ATXN2: variants seen among roughly 807,000 people sequenced by gnomAD.
The protein encoded by ATXN2 is ataxin-2.
A neutral mutation model predicts 138.6 loss-of-function variants in ATXN2; 37 were observed. The observed-to-expected ratio is 0.27, with a 90% confidence interval of 0.21 to 0.35. The LOEUF (loss-of-function observed/expected upper bound fraction) is 0.35, where lower values mean the gene tolerates loss of function less well. Ranked by LOEUF, ATXN2 falls within the 10% of genes least tolerant of loss-of-function variation. The pLI is 1.00. For missense variants in ATXN2, 1,216 were observed against 1,480.3 expected (o/e 0.82, Z 2.93); for synonymous variants, 549 against 543.7 (o/e 1.01, Z -0.13).
chr12:111,510,431 C>A lies in ATXN2; in HGVS notation c.1710G>T (p.Thr570=), dbSNP rs370020267. The change falls in exon 12 of 25, where the codon ACG becomes ACT. Residue 570 remains threonine (T), a synonymous_variant. Transcript: ENST00000673436. ...CTCTGTTCGATGCAGGACTAGCAGG[C>A]GTAGGAGATGCAGCTGGAATAGGCA... The part of the protein sequence containing the change: ...VAMPIPAASP[T]PASPASNRAV... The A allele has an allele frequency of 2.5e-6, 4 of 1,613,866 alleles. No homozygotes were observed. Among genetic ancestry groups the A allele is most frequent in the Non-Finnish European group, 3.4e-6 (4 of 1,180,012 alleles).
intron 14 of ATXN2, among the ~76,000 whole-genome samples, chr12:111,503,589 T>A (rs1343020598): frequency 6.7e-6 from 1 of 150,064 alleles, no homozygotes. Context: ...GGGACACATA[T>A]TTTTTTTTTC....
chr12:111,590,013 G>A (rs1352414997), intron 1 of ATXN2, among the ~76,000 whole-genome samples: 4 of 150,760 alleles, frequency 2.7e-5, no homozygotes, highest in Non-Finnish European at 4.4e-5. Flanking sequence ...AGTTCAAGAC[G>A]AGCCTGGCCA....
At chr12:111,594,906 C>T (rs1157129727) in intron 1 of ATXN2, among the ~76,000 whole-genome samples, 1 of 152,164 alleles carries the variant, frequency 6.6e-6, no homozygotes, top group South Asian at 2.1e-4. Context: ...AAACCAAGTA[C>T]CCTCATTAAT....
At chr12:111,537,603 A>C (rs974750213) in intron 5 of ATXN2, among the ~76,000 whole-genome samples, 3 of 151,840 alleles carry the variant, frequency 2.0e-5, no homozygotes, top group Admixed American at 2.0e-4. Context: ...AAGAAAAAAA[A>C]AGGCTATATA....
intron 8 of ATXN2, among the ~76,000 whole-genome samples, chr12:111,519,021 A>C (rs566074218): frequency 6.6e-6 from 1 of 152,290 alleles, no homozygotes; most frequent in South Asian, 2.1e-4. Context: ...TTAGCTGCAC[A>C]AACGGAGTCA....
At chr12:111,506,909 G>T (rs867088873) in intron 14 of ATXN2, among the ~76,000 whole-genome samples, 1 of 152,144 alleles carries the variant, frequency 6.6e-6, no homozygotes, top group Non-Finnish European at 1.5e-5. Flanking sequence ...CGAGTGATCT[G>T]CCAGCCTCGG....
chr12:111,555,914 C>T lies in ATXN2; in HGVS notation c.257G>A (p.Arg86Gln), dbSNP rs370896525. The change falls in exon 2 of 25, where the codon CGA becomes CAA. Residue 86 changes from arginine to glutamine, a missense_variant. Around this residue, in one of 4 missense-constraint regions of ATXN2, gnomAD observed 401 missense variants for 528.1 expected, o/e 0.76. Transcript: ENST00000673436. Reference protein sequence around the residue: ...GGGRPGLGRGRNSNKGLPQST... With the variant: ...GGGRPGLGRGQNSNKGLPQST... ...CTGAGGCAGTCCTTTGTTACTGTTT[C>T]GACCTCTGAAAAGATTAAATATTAT... 49 of 1,598,812 alleles carry T rather than the reference C, an allele frequency of 3.1e-5. No individual in the cohort carries two copies. Among genetic ancestry groups the T allele is most frequent in the Non-Finnish European group, 3.8e-5 (45 of 1,173,388 alleles).
At chr12:111,531,602 T>C (rs1188445348) in intron 5 of ATXN2, among the ~76,000 whole-genome samples, 2 of 152,166 alleles carry the variant, frequency 1.3e-5, no homozygotes, top group African/African-American at 4.8e-5. Context: ...ACACCATGTA[T>C]TATACAGATT....
intron 14 of ATXN2, 49 bp from the exon 15 acceptor site, chr12:111,488,829 A>G: frequency 6.9e-7 from 1 of 1,454,740 alleles, no homozygotes; most frequent in Non-Finnish European, 9.3e-7. Flanking sequence ...AACTTTAGTA[A>G]TACATTTTTG....
At chr12:111,466,207 A>AT (rs1213730564) in intron 20 of ATXN2, among the ~76,000 whole-genome samples, 1 of 146,448 alleles carries the variant, frequency 6.8e-6, no homozygotes, top group Admixed American at 6.9e-5. Flanking sequence ...AAAATAAAAA[A>AT]AAAAAAAGAG....
intron 5 of ATXN2, among the ~76,000 whole-genome samples, chr12:111,531,285 C>T (rs772962328): frequency 2.7e-5 from 4 of 150,096 alleles, no homozygotes; most frequent in African/African-American, 7.4e-5. Context: ...TGGTGGTACA[C>T]GCCTATAGTC....
chr12:111,591,520 G>A (rs2135850125), intron 1 of ATXN2, among the ~76,000 whole-genome samples: 1 of 152,070 alleles, frequency 6.6e-6, no homozygotes, highest in East Asian at 1.9e-4. Context: ...AAATTTAAAT[G>A]TTAGCCAGCT....
chr12:111,585,801 C>CAAAAA (rs761433806), intron 1 of ATXN2, among the ~76,000 whole-genome samples: 6 of 24,796 alleles, frequency 2.4e-4, no homozygotes, highest in Non-Finnish European at 9.4e-4. Context: ...AACTCCATCT[C>CAAAAA]AAAAAAAAAA....
At chr12:111,492,216 T>C (rs1340215755) in intron 14 of ATXN2, among the ~76,000 whole-genome samples, 1 of 152,190 alleles carries the variant, frequency 6.6e-6, no homozygotes, top group East Asian at 1.9e-4. Flanking sequence ...GACAAGAGAC[T>C]GCCTGGTAAT....
chr12:111,593,028 C>G (rs1884756390), intron 1 of ATXN2, among the ~76,000 whole-genome samples: 1 of 151,922 alleles, frequency 6.6e-6, no homozygotes, highest in Non-Finnish European at 1.5e-5. Flanking sequence ...GCTAAGGTGA[C>G]AGTTCTAACA....
At chr12:111,551,630 C>A (rs548343140) in intron 5 of ATXN2, among the ~76,000 whole-genome samples, 1 of 152,280 alleles carries the variant, frequency 6.6e-6, no homozygotes, top group African/African-American at 2.4e-5. Context: ...AGATTTGCCA[C>A]ATGCCCACTT....
chr12:111,561,140 G>T (rs895995059), intron 1 of ATXN2, among the ~76,000 whole-genome samples: 1 of 151,588 alleles, frequency 6.6e-6, no homozygotes, highest in Non-Finnish European at 1.5e-5. Flanking sequence ...AGCCGAGATT[G>T]TGCCACTGCA....
intron 14 of ATXN2, among the ~76,000 whole-genome samples, chr12:111,508,928 T>G (rs1477948538): frequency 1.3e-5 from 2 of 152,248 alleles, no homozygotes; most frequent in African/African-American, 4.8e-5. Flanking sequence ...TTTGGTTCAC[T>G]CATCCTTTAA....
intron 20 of ATXN2, among the ~76,000 whole-genome samples, chr12:111,466,654 A>G (rs1469163377): frequency 6.6e-6 from 1 of 152,242 alleles, no homozygotes; most frequent in Non-Finnish European, 1.5e-5. Context: ...TATTAAACAT[A>G]CTAAAAATTT....
Sources: allele counts gnomAD v4.1 joint callset (sites outside exome capture counted in the v4.1 genomes callset), GRCh38; gene constraint gnomAD v4.1.1; regional missense constraint gnomAD v4.1.1; transcripts MANE v1.5; gene names NCBI Gene and HGNC (gene_info 2026-07-23, HGNC 2026-07-21).